Variants in STON1 observed in about 807,000 individuals in gnomAD.
The protein encoded by STON1 is stonin 1, also known as stonin-1.
A neutral mutation model predicts 60.9 loss-of-function variants in STON1; 79 were observed. The ratio of observed to expected loss-of-function variants is 1.30; its 90% CI spans 1.08 to 1.56. STON1 has a LOEUF of 1.56. Among genes scored for constraint, STON1 ranks in the 40% most tolerant of loss-of-function variants. The pLI is 0.00. For missense variants in STON1, 1,166 were observed against 858.9 expected (o/e 1.36, Z -4.47); for synonymous variants, 363 against 306.9 (o/e 1.18, Z -1.91).
chr2:48,535,250 T>C (rs2103733811), intron 1 of STON1, among the ~76,000 whole-genome samples: 1 of 152,264 alleles, frequency 6.6e-6, no homozygotes, highest in South Asian at 2.1e-4. Flanking sequence ...AAAAACCTCA[T>C]TGCTGGATGC....
chr2:48,570,440 C>T (rs1673144994), intron 1 of STON1, among the ~76,000 whole-genome samples: 1 of 152,134 alleles, frequency 6.6e-6, no homozygotes, highest in Non-Finnish European at 1.5e-5. Flanking sequence ...TGTGTGAACC[C>T]TCCTATTGCT....
At chr2:48,541,649 A>G (rs1167462304) in intron 1 of STON1, among the ~76,000 whole-genome samples, 2 of 139,176 alleles carry the variant, frequency 1.4e-5, no homozygotes, top group African/African-American at 5.3e-5. Flanking sequence ...TAGTGAGCCG[A>G]GATTGCACCA....
chr2:48,533,662 CAAAAAAAAA>C (rs57217272), intron 1 of STON1, among the ~76,000 whole-genome samples: 1 of 56,316 alleles, frequency 1.8e-5, no homozygotes, highest in Non-Finnish European at 3.3e-5. Flanking sequence ...AACTCCGTCT[CAAAAAAAAA>C]AAAAAAAAAA....
chr2:48,564,441 T>C (rs1425983973), intron 1 of STON1, among the ~76,000 whole-genome samples: 6 of 49,852 alleles, frequency 1.2e-4, no homozygotes, highest in African/African-American at 4.5e-4. Context: ...CTTCTTCTTC[T>C]TCTTCTTCTT....
In STON1 at chr2:48,582,321, G is replaced by A. The variant is rs1357571469; in HGVS notation, c.1688G>A (p.Arg563Lys). 10 of 1,614,202 alleles carry A rather than the reference G, an allele frequency of 6.2e-6. No individual in the cohort carries two copies. The highest frequency in any genetic ancestry group is 1.7e-5 in the Admixed American group (1 of 60,018). Reference sequence around the variant, plus strand: ...AGGTCATCCTATGCTGGTTCCTTAAGGTCCTGTGACAATATAAGGATACAC... The same window carrying A: ...AGGTCATCCTATGCTGGTTCCTTAAAGTCCTGTGACAATATAAGGATACAC... Reference protein sequence around the residue: ...AQRSSYAGSLRSCDNIRIHFP... With the variant: ...AQRSSYAGSLKSCDNIRIHFP... Residue 563 changes from arginine to lysine, a missense_variant, in exon 2 of 4, where the codon AGG (arginine) becomes AAG (lysine). Arg to Lys is a conservative substitution (Grantham distance 26). Coordinates refer to ENST00000404752, the MANE Select transcript of STON1 (RefSeq NM_006873.4).
At chr2:48,532,069 CAGGGCACGG>C (rs1671232901) in intron 1 of STON1, among the ~76,000 whole-genome samples, 1 of 143,128 alleles carries the variant, frequency 7.0e-6, no homozygotes, top group South Asian at 2.3e-4. Flanking sequence ...ATCATTAAGG[CAGGGCACGG>C]GGTTCATGCC....
chr2:48,552,911 T>C (rs1173612399), intron 1 of STON1, among the ~76,000 whole-genome samples: 1 of 152,150 alleles, frequency 6.6e-6, no homozygotes, highest in Admixed American at 6.5e-5. Context: ...GTTCTATGGG[T>C]TGACTGGGCT....
At chr2:48,537,793 T>G (rs1042047809) in intron 1 of STON1, among the ~76,000 whole-genome samples, 1 of 146,682 alleles carries the variant, frequency 6.8e-6, no homozygotes, top group Admixed American at 7.0e-5. Context: ...GAGATTGCAG[T>G]GTGCTGAGAT....
chr2:48,546,197 G>A (rs1165681269), intron 1 of STON1, among the ~76,000 whole-genome samples: 2 of 152,102 alleles, frequency 1.3e-5, no homozygotes, highest in Non-Finnish European at 2.9e-5. Flanking sequence ...TCTCTTTTAA[G>A]TCTTTTCACT....
In STON1 at chr2:48,582,481, A is replaced by C; in HGVS notation, c.1848A>C (p.Gln616His). The C allele has an allele frequency of 1.2e-6, 2 of 1,614,202 alleles. No individual in the cohort carries two copies. The highest frequency in any genetic ancestry group is 1.7e-6 in the Non-Finnish European group (2 of 1,179,998). Residue 616 changes from glutamine to histidine, a missense_variant, in exon 2 of 4, where the codon CAA becomes CAC. Coordinates refer to ENST00000404752, the MANE Select transcript of STON1 (RefSeq NM_006873.4). ...AACTTGAATCTGAACCTGTCATTCA[A>C]GTCACTGTGGGGTCAGCAAAATATG... ...LQELESEPVI[Q>H]VTVGSAKYES...
At chr2:48,564,938 G>T (rs1451496770) in intron 1 of STON1, among the ~76,000 whole-genome samples, 2 of 143,738 alleles carry the variant, frequency 1.4e-5, no homozygotes, top group African/African-American at 5.2e-5. Context: ...TCACCATGTT[G>T]GGCAGGATGG....
intron 1 of STON1, among the ~76,000 whole-genome samples, chr2:48,575,306 T>C (rs1673420237): frequency 6.6e-6 from 1 of 152,226 alleles, no homozygotes; most frequent in South Asian, 2.1e-4. Flanking sequence ...CTATTGTAAA[T>C]AATGATGCAG....
intron 1 of STON1, among the ~76,000 whole-genome samples, chr2:48,534,450 A>G (rs959745202): frequency 5.9e-5 from 9 of 152,296 alleles, no homozygotes; most frequent in Admixed American, 3.9e-4. Flanking sequence ...ACTGTCTACC[A>G]TCTCCCTGCA....
chr2:48,578,581 C>CTTTTTTT (rs59933765), intron 1 of STON1, among the ~76,000 whole-genome samples: 4 of 46,168 alleles, frequency 8.7e-5, no homozygotes, highest in East Asian at 9.5e-4. Flanking sequence ...CTCCTCCTTC[C>CTTTTTTT]TTTTTTTTTT....
rs567873855 is a variant in STON1, at chr2:48,552,073, A to C, written c.-48+21857A>C. On this transcript the variant is annotated intron_variant, in intron 1 of 3. Coordinates refer to ENST00000404752, the MANE Select transcript of STON1 (RefSeq NM_006873.4). The stretch of plus-strand genomic sequence containing the variant: ...TGCTGCTCCAGTGATCTGTTGCTGC[A>C]GAGCAGCTACTCCAAAATGTTGAGG... 7.9e-5 allele frequency among the ~76,000 whole-genome samples: 12 copies of C among 152,370 alleles called. No homozygotes were observed. The South Asian group carries it at 2.5e-3, about 32-fold the overall frequency.
intron 1 of STON1, among the ~76,000 whole-genome samples, chr2:48,563,354 C>A (rs1672685638): frequency 6.6e-6 from 1 of 152,212 alleles, no homozygotes; most frequent in African/African-American, 2.4e-5. Flanking sequence ...GAGCTCATTC[C>A]AGTCATGGTC....
chr2:48,583,422 G>A (rs78859426), intron 2 of STON1, among the ~76,000 whole-genome samples: 9,964 of 152,232 alleles, frequency 0.065, 465 homozygotes, highest in Non-Finnish European at 0.099. Context: ...GTGGACACAC[G>A]TGAGTGTTAA....
At chr2:48,557,138 T>G (rs1272712960) in intron 1 of STON1, among the ~76,000 whole-genome samples, 5 of 85,948 alleles carry the variant, frequency 5.8e-5, no homozygotes, top group Non-Finnish European at 9.6e-5. Flanking sequence ...ACTTCCCAGA[T>G]GGGGTGGCTG....
In STON1 at chr2:48,581,614, T is replaced by C. The variant is rs1673891450; in HGVS notation, c.981T>C (p.Tyr327=). The C allele has an allele frequency of 1.2e-6, 2 of 1,614,108 alleles. No homozygotes were observed. The highest frequency in any genetic ancestry group is 1.7e-6 in the Non-Finnish European group (2 of 1,180,058). ...TTAAAGAGATACAGCTTGATCCATA[T>C]TGTAGGCTTTCTGAACCCAAGGTTG... ...KPFKEIQLDP[Y]CRLSEPKVEN... The change falls in exon 2 of 4, where the codon TAT becomes TAC. Residue 327 remains tyrosine (Y), a synonymous_variant. Coordinates refer to ENST00000404752, the MANE Select transcript of STON1 (RefSeq NM_006873.4).
Sources: allele counts gnomAD v4.1 joint callset (sites outside exome capture counted in the v4.1 genomes callset), GRCh38; gene constraint gnomAD v4.1.1; transcripts MANE v1.5; gene names NCBI Gene and HGNC (gene_info 2026-07-23, HGNC 2026-07-21).